ASH1L: variants seen among roughly 807,000 people sequenced by gnomAD.
The protein encoded by ASH1L is histone-lysine N-methyltransferase ASH1L.
ASH1L carries 23 observed loss-of-function variants against 269.0 expected under a neutral mutation model. The observed-to-expected ratio is 0.09, with a 90% CI of 0.06 to 0.12. ASH1L has a LOEUF of 0.12. Ranked by LOEUF, ASH1L falls within the 10% of genes least tolerant of loss-of-function variation. The pLI is 1.00. For missense variants in ASH1L, 2,912 were observed against 3,567.8 expected (o/e 0.82, Z 4.68); for synonymous variants, 1,187 against 1,253.5 (o/e 0.95, Z 1.12).
intron 4 of ASH1L, among the ~76,000 whole-genome samples, chr1:155,453,068 A>C (rs992935966): frequency 6.6e-6 from 1 of 152,170 alleles, no homozygotes; most frequent in Non-Finnish European, 1.5e-5. Context: ...ACATGTGGCT[A>C]AACAGGCCAG....
chr1:155,433,300 CCCT>C, intron 5 of ASH1L: 2 of 1,575,498 alleles, frequency 1.3e-6, no homozygotes, highest in Non-Finnish European at 1.7e-6. Context: ...GCTTCCAAGG[CCCT>C]CCTGGAGGGC....
chr1:155,410,124 CTTTCTT>C (rs1224349945), intron 6 of ASH1L, among the ~76,000 whole-genome samples: 6 of 151,792 alleles, frequency 4.0e-5, no homozygotes, highest in Non-Finnish European at 7.4e-5. Flanking sequence ...ATTATTTTCT[CTTTCTT>C]TTTCTGAGAC....
intron 12 of ASH1L, among the ~76,000 whole-genome samples, chr1:155,362,301 TGA>T (rs1342921416): frequency 6.6e-6 from 1 of 151,988 alleles, no homozygotes; most frequent in African/African-American, 2.4e-5. Flanking sequence ...CCCAAAGTGC[TGA>T]GATTACAGGC....
At chr1:155,385,465 A>C (rs1450007658) in intron 7 of ASH1L, among the ~76,000 whole-genome samples, 1 of 152,094 alleles carries the variant, frequency 6.6e-6, no homozygotes, top group African/African-American at 2.4e-5. Flanking sequence ...ATAATAAATA[A>C]AATAAAATAT....
At chr1:155,352,645 T>TC in intron 17 of ASH1L, 61 bp downstream of exon 17, 1 of 1,485,428 alleles carries the variant, frequency 6.7e-7, no homozygotes. Flanking sequence ...TCTCTATTTA[T>TC]TTAAAAAAAA....
intron 4 of ASH1L, chr1:155,440,627 C>T: frequency 2.0e-6 from 1 of 492,080 alleles, no homozygotes; most frequent in Non-Finnish European, 2.6e-6. Context: ...TGACCCCTTC[C>T]TTTTCTCCAA....
chr1:155,403,368 TAAGTA>T (rs939489962), intron 6 of ASH1L, among the ~76,000 whole-genome samples: 3 of 152,276 alleles, frequency 2.0e-5, no homozygotes, highest in East Asian at 1.9e-4. Context: ...CTGTAGAAGC[TAAGTA>T]AAGTAGGGAA....
At chr1:155,386,983 CTTT>C (rs760311702) in intron 7 of ASH1L, among the ~76,000 whole-genome samples, 1 of 143,732 alleles carries the variant, frequency 7.0e-6, no homozygotes, top group South Asian at 2.2e-4. Flanking sequence ...ACAATTAAGT[CTTT>C]TTTTTTTTTT....
At chr1:155,391,096 C>A (rs1408194304) in intron 7 of ASH1L, among the ~76,000 whole-genome samples, 1 of 152,162 alleles carries the variant, frequency 6.6e-6, no homozygotes, top group African/African-American at 2.4e-5. Flanking sequence ...CAAGTGCATG[C>A]CACCACACCT....
chr1:155,352,742 A>C lies in ASH1L; in HGVS notation c.7330T>G (p.Phe2444Val). The change falls in exon 17 of 28, where the codon TTC becomes GTC. Residue 2444 changes from phenylalanine to valine, a missense_variant. Phe to Val is a conservative substitution (Grantham distance 50, BLOSUM62 -1). Around this residue, in one of 13 missense-constraint regions of ASH1L, gnomAD observed 309 missense variants for 435.1 expected, o/e 0.71. Coordinates refer to ENST00000392403, the MANE Select transcript of ASH1L (RefSeq NM_018489.3). ...VARAARLAQI[F>V]KEICDGIISY... Reference sequence around the variant, plus strand: ...ATGATACCATCACAAATTTCTTTGAAGATCTGGGCTAGGCGGGCTGCCCGA... The same window carrying C: ...ATGATACCATCACAAATTTCTTTGACGATCTGGGCTAGGCGGGCTGCCCGA... 6.2e-7 allele frequency: 1 copy of C among 1,612,160 alleles called. No individual in the cohort carries two copies. The highest frequency in any genetic ancestry group is 8.5e-7 in the Non-Finnish European group (1 of 1,179,426).
chr1:155,465,381 T>C (rs544243976), intron 3 of ASH1L, among the ~76,000 whole-genome samples: 4 of 151,514 alleles, frequency 2.6e-5, no homozygotes, highest in South Asian at 2.1e-4. Context: ...CTATTAAAGC[T>C]TTTATAACTT....
At chr1:155,549,464 C>T (rs569055767) in intron 1 of ASH1L, among the ~76,000 whole-genome samples, 14 of 151,848 alleles carry the variant, frequency 9.2e-5, no homozygotes, top group Non-Finnish European at 1.8e-4. Context: ...ATAGTGAAAC[C>T]CCACCTCTAC....
At chr1:155,523,339 C>T (rs188786892) in intron 1 of ASH1L, among the ~76,000 whole-genome samples, 4 of 152,024 alleles carry the variant, frequency 2.6e-5, no homozygotes, top group Admixed American at 1.3e-4. Context: ...TAAAAAAGTA[C>T]AAAAATTAGC....
intron 6 of ASH1L, among the ~76,000 whole-genome samples, chr1:155,402,295 G>C (rs1658923941): frequency 6.6e-6 from 1 of 152,022 alleles, no homozygotes; most frequent in Non-Finnish European, 1.5e-5. Context: ...TTTGAAGAAG[G>C]GGGAGGCATC....
chr1:155,489,618 C>T (rs1666607302), intron 2 of ASH1L, among the ~76,000 whole-genome samples: 1 of 151,268 alleles, frequency 6.6e-6, no homozygotes, highest in Non-Finnish European at 1.5e-5. Context: ...ATTAGACGGG[C>T]ATGGTGGCGG....
At chr1:155,405,974 C>T (rs946601724) in intron 6 of ASH1L, among the ~76,000 whole-genome samples, 2 of 151,640 alleles carry the variant, frequency 1.3e-5, no homozygotes, top group African/African-American at 2.4e-5. Context: ...GAGGCCGAGG[C>T]GGATGGATCA....
Position 155,343,096 on chromosome 1 carries a change from C to T in ASH1L, c.8293+218G>A. ...GTGCGATCTTGGCTCACTGCAACCT[C>T]TGCCTCCCAGGCTCAGCAATCCTCC... On this transcript the variant is annotated intron_variant, in intron 24 of 27. Coordinates refer to ENST00000392403, the MANE Select transcript of ASH1L (RefSeq NM_018489.3). The surrounding 1 kb of genome is among the most constrained non-coding windows in gnomAD (Gnocchi z 6.1). The T allele has an allele frequency of 4.2e-6, 2 of 471,050 alleles. No individual in the cohort carries two copies. Among genetic ancestry groups the T allele is most frequent in the Non-Finnish European group, 7.5e-6 (2 of 266,154 alleles). 29.2% of individuals were successfully genotyped at this position (471,050 alleles called of 1,614,324 possible). A position where few individuals can be genotyped will look rare whatever the true frequency, so the allele number is the denominator to read the frequency against.
In ASH1L at chr1:155,437,391, T is replaced by C. The variant is rs528910029; in HGVS notation, c.5828+936A>G. Among the ~76,000 whole-genome samples, 8 of 152,188 alleles carry C rather than the reference T, an allele frequency of 5.3e-5. 1 individual carries two copies. In the South Asian group the frequency reaches 1.5e-3, roughly 28 times the overall value. On this transcript the variant is annotated intron_variant, in intron 5 of 27. Coordinates refer to ENST00000392403, the MANE Select transcript of ASH1L (RefSeq NM_018489.3). Reference sequence around the variant, plus strand: ...AGGGAACAGCAAATTAAAACTACAATGAGATACCCATCTCATACTCATTTG... The same window carrying C: ...AGGGAACAGCAAATTAAAACTACAACGAGATACCCATCTCATACTCATTTG...
At chr1:155,451,699 G>A (rs1663484597) in intron 4 of ASH1L, among the ~76,000 whole-genome samples, 2 of 151,810 alleles carry the variant, frequency 1.3e-5, no homozygotes, top group East Asian at 1.9e-4. Flanking sequence ...CAGCCTGGGC[G>A]ACAGGAGCGA....
Sources: gnomAD v4.1 joint callset for allele counts (sites outside exome capture counted in the v4.1 genomes callset) on GRCh38, gnomAD v4.1.1 for gene constraint, gnomAD v4.1.1 regional missense constraint, Gnocchi (gnomAD v3.1) non-coding constraint, MANE v1.5 for transcripts, NCBI Gene and HGNC (gene_info 2026-07-23, HGNC 2026-07-21) for gene names.